The following PDGFC variants were observed in gnomAD, a reference collection of about 807,000 sequenced individuals.
The protein encoded by PDGFC is platelet-derived growth factor C.
A neutral mutation model predicts 35.5 loss-of-function variants in PDGFC; 12 were observed. The ratio of observed to expected loss-of-function variants is 0.34; its 90% confidence interval spans 0.22 to 0.55. The LOEUF is 0.55. Ranked by LOEUF, PDGFC falls within the 20% of genes least tolerant of loss-of-function variation. The probability of loss-of-function intolerance (pLI) is 0.91; values close to 1 mark genes in which losing one functional copy is unlikely to be tolerated. For synonymous variants in PDGFC, 159 were observed against 148.8 expected (o/e 1.07, Z -0.50); for missense variants, 322 against 412.4 (o/e 0.78, Z 1.90).
chr4:156,897,374 G>T (rs1344108519), intron 1 of PDGFC, among the ~76,000 whole-genome samples: 1 of 151,730 alleles, frequency 6.6e-6, no homozygotes, highest in African/African-American at 2.4e-5. Context: ...GTGTGTGTGT[G>T]TGTGTGTGTC....
chr4:156,895,610 C>T (rs947191600), intron 1 of PDGFC, among the ~76,000 whole-genome samples: 5 of 148,220 alleles, frequency 3.4e-5, no homozygotes, highest in East Asian at 2.0e-4. Flanking sequence ...CCAGCCTGGG[C>T]GACAGAGCAA....
At chr4:156,924,515 A>G (rs1731360973) in intron 1 of PDGFC, among the ~76,000 whole-genome samples, 1 of 152,196 alleles carries the variant, frequency 6.6e-6, no homozygotes, top group Non-Finnish European at 1.5e-5. Flanking sequence ...TGAAAAAGAC[A>G]AGGTAGCTCC....
intron 1 of PDGFC, among the ~76,000 whole-genome samples, chr4:156,951,515 T>C (rs189719706): frequency 7.9e-5 from 12 of 151,826 alleles, no homozygotes; most frequent in Admixed American, 2.0e-4. Flanking sequence ...GACTGACGCA[T>C]GGGGCAGAAA....
chr4:156,930,288 G>A (rs764978518), intron 1 of PDGFC, among the ~76,000 whole-genome samples: 32 of 152,150 alleles, frequency 2.1e-4, no homozygotes, highest in Admixed American at 1.7e-3. Flanking sequence ...CAGGCAGTGG[G>A]AAGAGCATGT....
intron 1 of PDGFC, among the ~76,000 whole-genome samples, chr4:156,857,436 T>C (rs1205279319): frequency 1.3e-5 from 2 of 152,084 alleles, no homozygotes; most frequent in African/African-American, 4.8e-5. Flanking sequence ...GGAGCAACTT[T>C]GTAGAAATTT....
chr4:156,942,048 C>T (rs1731820588), intron 1 of PDGFC, among the ~76,000 whole-genome samples: 1 of 152,074 alleles, frequency 6.6e-6, no homozygotes, highest in South Asian at 2.1e-4. Flanking sequence ...TGAAAGCATT[C>T]TGATGGATGG....
intron 2 of PDGFC, chr4:156,842,153 A>G (rs1729219962): frequency 6.6e-6 from 1 of 152,170 alleles, no homozygotes; most frequent in Admixed American, 6.5e-5. Flanking sequence ...AAATGTTTAT[A>G]ATGTCAATAA....
chr4:156,854,667 C>T (rs1048597769), intron 1 of PDGFC, among the ~76,000 whole-genome samples: 2 of 152,120 alleles, frequency 1.3e-5, no homozygotes, highest in Admixed American at 6.5e-5. Flanking sequence ...AATTAAGACA[C>T]TGTGCTTATA....
chr4:156,799,253 C>G (rs2110908458), intron 3 of PDGFC, among the ~76,000 whole-genome samples: 1 of 152,276 alleles, frequency 6.6e-6, no homozygotes, highest in South Asian at 2.1e-4. Flanking sequence ...CACACTTACA[C>G]AAAACCTGAC....
At chr4:156,811,057 C>A in intron 2 of PDGFC, 40 bp from the exon 3 acceptor site, 1 of 1,355,734 alleles carries the variant, frequency 7.4e-7, no homozygotes, top group Non-Finnish European at 1.0e-6. Context: ...ATTTCATAAT[C>A]TGTTATTCTG....
intron 1 of PDGFC, among the ~76,000 whole-genome samples, chr4:156,945,586 A>C (rs1041848304): frequency 1.3e-5 from 2 of 151,856 alleles, no homozygotes; most frequent in Non-Finnish European, 2.9e-5. Context: ...ACTCTCTCTC[A>C]AAGAGGCTAC....
chr4:156,850,829 T>TAAAAATA (rs57420624), intron 1 of PDGFC, among the ~76,000 whole-genome samples: 70,241 of 151,466 alleles, frequency 0.46, 19,106 homozygotes, highest in African/African-American at 0.76. Flanking sequence ...TTCTCTAACT[T>TAAAAATA]AAAGCTGCAG....
intron 1 of PDGFC, among the ~76,000 whole-genome samples, chr4:156,918,652 T>G (rs1731204469): frequency 6.6e-6 from 1 of 152,200 alleles, no homozygotes; most frequent in Non-Finnish European, 1.5e-5. Flanking sequence ...TGTGTGCTCC[T>G]TATGAGACTC....
chr4:156,793,534 C>T (rs1178256355), intron 3 of PDGFC, among the ~76,000 whole-genome samples: 6 of 130,614 alleles, frequency 4.6e-5, no homozygotes, highest in African/African-American at 1.4e-4. Context: ...GAATTATGTG[C>T]ATATATATAT....
At chr4:156,887,902 C>T (rs529317558) in intron 1 of PDGFC, among the ~76,000 whole-genome samples, 4 of 150,846 alleles carry the variant, frequency 2.7e-5, no homozygotes, top group South Asian at 4.2e-4. Flanking sequence ...ACTTGGGAGG[C>T]TGAGGTGGGA....
At chr4:156,956,131 C>T (rs377753296) in intron 1 of PDGFC, among the ~76,000 whole-genome samples, 1 of 152,038 alleles carries the variant, frequency 6.6e-6, no homozygotes, top group Non-Finnish European at 1.5e-5. Context: ...CACCACAACA[C>T]GCACTTTTGT....
At position 156,850,318 on chromosome 4, in the gene PDGFC, A is replaced by G. The variant is rs780537434; in HGVS notation, c.217T>C (p.Leu73=). ...FPHTYPRNTV[L]VWRLVAVEEN... is the part of the protein sequence containing the mutation. ...TCTACTGCTACTAATCTCCATACCA[A>G]GACCGTATTTCTTGGATAAGTATGA... Residue 73 remains leucine (L), a synonymous_variant, in exon 2 of 6, where the codon TTG becomes CTG. Coordinates refer to ENST00000502773, the MANE Select transcript of PDGFC (RefSeq NM_016205.3). 3.9e-5 allele frequency: 63 copies of G among 1,609,770 alleles called. No homozygotes were observed. The highest frequency in any genetic ancestry group is 4.5e-5 in the Non-Finnish European group (53 of 1,176,794).
intron 2 of PDGFC, among the ~76,000 whole-genome samples, chr4:156,812,659 A>T (rs1008560080): frequency 6.6e-6 from 1 of 152,138 alleles, no homozygotes; most frequent in Non-Finnish European, 1.5e-5. Context: ...TATACTTATA[A>T]ATCTGAAGTA....
intron 1 of PDGFC, among the ~76,000 whole-genome samples, chr4:156,945,375 ATATATATATATATAT>A (rs1731920736): frequency 1.5e-5 from 2 of 129,830 alleles, no homozygotes; most frequent in South Asian, 2.5e-4. Flanking sequence ...ATATATATAT[ATATATATATATATAT>A]AATCAGTAGG....
Sources: allele counts gnomAD v4.1 joint callset (sites outside exome capture counted in the v4.1 genomes callset), GRCh38; gene constraint gnomAD v4.1.1; transcripts MANE v1.5; gene names NCBI Gene and HGNC (gene_info 2026-07-23, HGNC 2026-07-21).